DNM3: variants seen among roughly 807,000 people sequenced by gnomAD.
The protein encoded by DNM3 is dynamin-3.
Under a neutral mutation model 101.6 loss-of-function variants are expected in DNM3, and 47 were observed. The observed-to-expected ratio is 0.46, with a 90% CI of 0.37 to 0.59. The LOEUF is 0.59. DNM3 is among the 20% of genes least tolerant of loss of function. The pLI is 0.00. For synonymous variants in DNM3, 385 were observed against 387.9 expected (o/e 0.99, Z 0.09); for missense variants, 849 against 1,085.7 (o/e 0.78, Z 3.06).
rs191445745 is a variant in DNM3 at position 172,272,348 on chromosome 1, A to C, written c.1769+18666A>C. 4.6e-3 allele frequency among the ~76,000 whole-genome samples: 695 copies of C among 152,268 alleles called. 3 individuals carry two copies. Among genetic ancestry groups the C allele is most frequent in the Non-Finnish European group, 6.1e-3 (414 of 67,990 alleles). ...TAGAATTAATATTTTTAACTGCTTC[A>C]TCAGGATATCCTTAAGTGAAACTTG... is the stretch of plus-strand genomic sequence containing the variant. On this transcript the variant is annotated intron_variant, in intron 15 of 20. Transcript: ENST00000627582.
At chr1:172,336,761 A>G (rs956105680) in intron 17 of DNM3, among the ~76,000 whole-genome samples, 5 of 151,014 alleles carry the variant, frequency 3.3e-5, no homozygotes, top group Non-Finnish European at 7.4e-5. Context: ...CTGCACACCT[A>G]TTGACTCTAA....
chr1:172,314,310 G>C (rs191214323), intron 16 of DNM3, among the ~76,000 whole-genome samples: 1 of 152,190 alleles, frequency 6.6e-6, no homozygotes, highest in Non-Finnish European at 1.5e-5. Context: ...CGTGAGCAAC[G>C]CAGAAGACGG....
intron 20 of DNM3, among the ~76,000 whole-genome samples, chr1:172,391,357 TGA>T (rs886454177): frequency 6.6e-6 from 1 of 152,084 alleles, no homozygotes; most frequent in African/African-American, 2.4e-5. Context: ...GGTGGTCACC[TGA>T]GAGAGGGCAA....
intron 14 of DNM3, among the ~76,000 whole-genome samples, chr1:172,251,681 T>C (rs1201335489): frequency 1.3e-5 from 2 of 152,134 alleles, no homozygotes; most frequent in African/African-American, 4.8e-5. Flanking sequence ...AGCCTACTTC[T>C]ATAGAAAACA....
intron 6 of DNM3, among the ~76,000 whole-genome samples, chr1:172,035,344 G>C (rs965255638): frequency 6.6e-6 from 1 of 152,134 alleles, no homozygotes; most frequent in African/African-American, 2.4e-5. Flanking sequence ...ATCTTGTTTG[G>C]AGACAACATC....
intron 20 of DNM3, among the ~76,000 whole-genome samples, chr1:172,406,913 A>T (rs9425599): frequency 0.89 from 134,273 of 151,632 alleles, 59,607 homozygotes; most frequent in East Asian, 1. Context: ...TGGGGGGGTA[A>T]AAAAATGACT....
chr1:171,927,528 CA>C (rs1169149175), intron 2 of DNM3, among the ~76,000 whole-genome samples: 1 of 152,074 alleles, frequency 6.6e-6, no homozygotes, highest in Admixed American at 6.6e-5. Flanking sequence ...GTTAGTTTGC[CA>C]AGGGCAATAT....
intron 4 of DNM3, among the ~76,000 whole-genome samples, chr1:172,018,733 AT>A: frequency 6.6e-6 from 1 of 152,312 alleles, no homozygotes; most frequent in African/African-American, 2.4e-5. Context: ...TGTTGCTATT[AT>A]TTTGAACAAA....
At chr1:172,405,364 C>T (rs549134888) in intron 20 of DNM3, among the ~76,000 whole-genome samples, 2 of 151,898 alleles carry the variant, frequency 1.3e-5, no homozygotes, top group African/African-American at 2.4e-5. Context: ...AGTAGGGTTA[C>T]GTGCTACGAG....
At chr1:171,977,490 T>C (rs915031371) in intron 2 of DNM3, among the ~76,000 whole-genome samples, 4 of 152,196 alleles carry the variant, frequency 2.6e-5, no homozygotes, top group Non-Finnish European at 4.4e-5. Context: ...TAAAACACTT[T>C]TTAAGTAAAC....
At chr1:172,380,600 G>A (rs1276875931) in intron 18 of DNM3, 2 of 151,838 alleles carry the variant, frequency 1.3e-5, no homozygotes, top group Non-Finnish European at 2.9e-5. Flanking sequence ...AAATCATTTC[G>A]CCCCTTTGAG....
At position 172,338,281 on chromosome 1, in the gene DNM3, G is replaced by A. The variant is rs2066536860; in HGVS notation, c.1893+14941G>A. On this transcript the variant is annotated intron_variant, in intron 17 of 20. Transcript: ENST00000627582. ...TAACCTCTAAAGTTTTGAAATTACT[G>A]TGCTAGGTACTAACAGCAGCCAGAG... Among the ~76,000 whole-genome samples, 4 of 152,160 alleles carry A rather than the reference G, an allele frequency of 2.6e-5. No homozygotes were observed. In the South Asian group the frequency reaches 8.3e-4, roughly 32 times the overall value.
At chr1:172,084,162 A>G (rs1312686733) in intron 12 of DNM3, among the ~76,000 whole-genome samples, 3 of 152,078 alleles carry the variant, frequency 2.0e-5, no homozygotes, top group African/African-American at 7.2e-5. Context: ...CTGTTTACTG[A>G]TGTATCAAAT....
intron 14 of DNM3, among the ~76,000 whole-genome samples, chr1:172,178,848 G>A (rs890314497): frequency 1.3e-5 from 2 of 151,932 alleles, no homozygotes; most frequent in Admixed American, 6.6e-5. Flanking sequence ...AGGGGGTTAA[G>A]GGGTCACCTT....
intron 4 of DNM3, among the ~76,000 whole-genome samples, chr1:172,029,988 A>G (rs2048487028): frequency 6.6e-6 from 1 of 152,216 alleles, no homozygotes; most frequent in African/African-American, 2.4e-5. Flanking sequence ...TGTCCAAAGT[A>G]ATTTATAGAT....
At chr1:172,215,052 A>T (rs1361928571) in intron 14 of DNM3, among the ~76,000 whole-genome samples, 1 of 152,160 alleles carries the variant, frequency 6.6e-6, no homozygotes, top group Admixed American at 6.6e-5. Context: ...TCAATTATAG[A>T]TGCTCAACAA....
chr1:172,370,231 T>G (rs1294951107), intron 17 of DNM3: 1 of 151,962 alleles, frequency 6.6e-6, no homozygotes, highest in African/African-American at 2.4e-5. Flanking sequence ...ATATGGCTAC[T>G]AGAAATGTGG....
intron 15 of DNM3, among the ~76,000 whole-genome samples, chr1:172,294,549 T>C (rs2064065739): frequency 6.6e-6 from 1 of 152,168 alleles, no homozygotes; most frequent in Non-Finnish European, 1.5e-5. Context: ...TCCTCATCTG[T>C]GAAACAGCTT....
chr1:172,032,505 T>A lies in DNM3; in HGVS notation c.688+5T>A. 1 of 1,503,652 alleles carries A rather than the reference T, an allele frequency of 6.7e-7. No individual in the cohort carries two copies. Among genetic ancestry groups the A allele is most frequent in the Non-Finnish European group, 9.2e-7 (1 of 1,085,560 alleles). 93.1% of individuals were successfully genotyped at this position (1,503,652 alleles called of 1,614,324 possible). On this transcript the variant is annotated splice_donor_5th_base_variant and intron_variant, in intron 5 of 20. Coordinates refer to ENST00000627582, the MANE Select transcript of DNM3 (RefSeq NM_015569.5). ...AACTGTTGCCTCTTCGCAGGGGTAA[T>A]GTACTGTGGTCTATACAAGACTTTT...
Sources: allele counts gnomAD v4.1 joint callset (sites outside exome capture counted in the v4.1 genomes callset), GRCh38; gene constraint gnomAD v4.1.1; transcripts MANE v1.5; gene names NCBI Gene and HGNC (gene_info 2026-07-23, HGNC 2026-07-21).